KIF17: variants seen among roughly 807,000 people sequenced by gnomAD.
KIF17 encodes kinesin family member 17.
KIF17 carries 80 observed loss-of-function variants against 96.8 expected under a neutral mutation model. The observed-to-expected ratio is 0.83, with a 90% confidence interval of 0.69 to 1.00. The LOEUF (loss-of-function observed/expected upper bound fraction) is 1.00. KIF17 is among the 50% of genes least tolerant of loss of function. KIF17 has a pLI of 0.00. For synonymous variants in KIF17, 567 were observed against 587.5 expected (o/e 0.97, Z 0.51); for missense variants, 1,280 against 1,372.9 (o/e 0.93, Z 1.07).
chr1:20,687,731 G>A lies in KIF17; in HGVS notation c.1595C>T (p.Ser532Phe). ...CTCACTGGAGCCCAGAGAAATCTCA[G>A]ATTTGGAGGGTTCCACCTTGGGCAG... ...AELPKVEPSK[S>F]EISLGSSESS... Residue 532 changes from serine (S) to phenylalanine (F), a missense_variant, in exon 8 of 15, where the codon TCT (serine) becomes TTT (phenylalanine). By Grantham distance (155) the Ser-to-Phe change is radical. Transcript: ENST00000400463. This position sits in a 1 kb window ranked among gnomAD's most constrained non-coding sequence, Gnocchi z 4.4. 2.5e-6 allele frequency: 4 copies of A among 1,614,206 alleles called. No individual in the cohort carries two copies. The highest frequency in any genetic ancestry group is 2.5e-6 in the Non-Finnish European group (3 of 1,180,028).
chr1:20,683,612 A>G (rs763664912), intron 10 of KIF17, among the ~76,000 whole-genome samples: 12 of 152,106 alleles, frequency 7.9e-5, no homozygotes, highest in South Asian at 2.1e-4. Context: ...CCGAGATCGC[A>G]CCACTGCACT....
At chr1:20,697,965 C>T (rs1333266975) in intron 6 of KIF17, among the ~76,000 whole-genome samples, 1 of 152,218 alleles carries the variant, frequency 6.6e-6, no homozygotes, top group Non-Finnish European at 1.5e-5. Flanking sequence ...TTGTCGTCGG[C>T]TGCTGGGGGA....
At position 20,709,712 on chromosome 1, in the gene KIF17, G is replaced by A; in HGVS notation, c.597C>T (p.Gly199=). Residue 199 remains glycine, a synonymous_variant, in exon 4 of 15, where the codon GGC becomes GGT. Transcript: ENST00000400463. The surrounding 1 kb of genome is among the most constrained non-coding windows in gnomAD (Gnocchi z 4.7). Reference sequence around the variant, plus strand: ...AGGAATCCTTGTTCATCAGCGTGTAGCCGACCGAACGGTTCTTCCAGCCAG... The same window carrying A: ...AGGAATCCTTGTTCATCAGCGTGTAACCGACCGAACGGTTCTTCCAGCCAG... ...METGWKNRSV[G]YTLMNKDSSR... The A allele has an allele frequency of 6.2e-7, 1 of 1,614,110 alleles. No individual in the cohort carries two copies. The highest frequency in any genetic ancestry group is 8.5e-7 in the Non-Finnish European group (1 of 1,180,030).
Position 20,713,538 on chromosome 1 carries a change from C to CT in KIF17, c.395dup (p.Phe133ValfsTer13). 6.2e-7 allele frequency: 1 copy of CT among 1,612,976 alleles called. No individual in the cohort carries two copies. The highest frequency in any genetic ancestry group is 8.5e-7 in the Non-Finnish European group (1 of 1,179,682). ...CCAGGTAGGAGGCCCGGACCAGGAACTTAGTGTTCTCTGCACACTGCAGGG... is the reference window on the plus strand; with the variant it reads ...CCAGGTAGGAGGCCCGGACCAGGAACTTTAGTGTTCTCTGCACACTGCAGGG... On this transcript the variant is annotated frameshift_variant, in exon 3 of 15. Transcript: ENST00000400463. LOFTEE classifies it high-confidence loss of function.
chr1:20,665,269 C>T lies in KIF17; in HGVS notation c.2909-507G>A, dbSNP rs534403770. Among the ~76,000 whole-genome samples, 114 of 141,096 alleles carry T rather than the reference C, an allele frequency of 8.1e-4. 1 individual carries two copies. The highest frequency in any genetic ancestry group is 1.5e-3 in the Non-Finnish European group (96 of 65,888). The allele number at this position is 141,096 out of a possible 152,430, so 92.6% of individuals were successfully genotyped here. On this transcript the variant is annotated intron_variant, in intron 14 of 14. Transcript: ENST00000400463. Reference sequence around the variant, plus strand: ...TTTAGAAAAAGTCTTACTCTGTCACCCAGGCTGGAGTGCAGTGGCACTGTG... The same window carrying T: ...TTTAGAAAAAGTCTTACTCTGTCACTCAGGCTGGAGTGCAGTGGCACTGTG...
downstream of KIF17, among the ~76,000 whole-genome samples, chr1:20,662,555 C>T (rs2053454920): frequency 1.3e-5 from 2 of 152,324 alleles, no homozygotes; most frequent in South Asian, 4.1e-4. Flanking sequence ...CTGGCTCCTG[C>T]ACCCTAACTC....
At position 20,706,916 on chromosome 1, in the gene KIF17, AAAAC is replaced by A. The variant is rs1422250663; in HGVS notation, c.671-2021_671-2018del. Among the ~76,000 whole-genome samples, 11 of 151,788 alleles carry A rather than the reference AAAAC, an allele frequency of 7.2e-5. No homozygotes were observed. The East Asian group carries it at 1.6e-3, about 21-fold the overall frequency. ...AAAAAAAAAGAAAGAAAAGTAAAAG[AAAAC>A]AAACAAACAAAAACACCACCAAAAA... is the stretch of plus-strand genomic sequence containing the variant. On this transcript the variant is annotated intron_variant, in intron 4 of 14. Transcript: ENST00000400463.
chr1:20,689,247 A>G (rs868331044), intron 7 of KIF17, among the ~76,000 whole-genome samples: 18 of 152,282 alleles, frequency 1.2e-4, no homozygotes, highest in Middle Eastern at 3.4e-3. Context: ...TCATCATTCC[A>G]GGCCTGGATT....
intron 6 of KIF17, among the ~76,000 whole-genome samples, chr1:20,696,660 C>T (rs1027070795): frequency 2.5e-4 from 38 of 152,102 alleles, no homozygotes; most frequent in African/African-American, 8.7e-4. Context: ...CCGGGCTTCC[C>T]GGGAAGGAAG....
chr1:20,690,352 G>GGGCCCCCA lies in KIF17; in HGVS notation c.1234-18_1234-17insTGGGGGCC. On this transcript the variant is annotated splice_polypyrimidine_tract_variant and intron_variant, in intron 6 of 14. Transcript: ENST00000400463. ...TTCATACTCCTGGGGGGGTGGGAGG[G>GGGCCCCCA]ACCAGAGGGCAGGCAGCATTTTATC... 4 of 451,136 alleles carry GGGCCCCCA rather than the reference G, an allele frequency of 8.9e-6. No individual in the cohort carries two copies. Among genetic ancestry groups the GGGCCCCCA allele is most frequent in the Non-Finnish European group, 1.3e-5 (3 of 235,122 alleles). The allele number at this position is 451,136 out of a possible 1,614,324, so 27.9% of individuals were successfully genotyped here.
chr1:20,680,594 ACT>A (rs1214648415), intron 11 of KIF17, among the ~76,000 whole-genome samples: 1 of 152,088 alleles, frequency 6.6e-6, no homozygotes, highest in Non-Finnish European at 1.5e-5. Context: ...ATAAAAAATA[ACT>A]CCAATTAGAA....
rs2053522797 is a variant in KIF17 at position 20,666,131 on chromosome 1, C to T, written c.2908+83G>A. On this transcript the variant is annotated intron_variant, in intron 14 of 14. Transcript: ENST00000400463. ...CGAGAGGGAAAGGAGTTTTTGAACC[C>T]AGGCCTGTCTGACTTCAAAACTATC... The T allele has an allele frequency of 7.4e-6, 8 of 1,076,390 alleles. No individual in the cohort carries two copies. In the South Asian group the frequency reaches 9.9e-5, roughly 13 times the overall value. 66.7% of individuals were successfully genotyped at this position (1,076,390 alleles called of 1,614,324 possible).
At chr1:20,663,415 G>A (rs1332051932), downstream of KIF17, among the ~76,000 whole-genome samples, 1 of 152,128 alleles carries the variant, frequency 6.6e-6, no homozygotes, top group Non-Finnish European at 1.5e-5. Flanking sequence ...TACAAAATAG[G>A]GAGGAGGAGG....
chr1:20,702,377 G>A (rs1212802998), intron 5 of KIF17, among the ~76,000 whole-genome samples: 27 of 152,224 alleles, frequency 1.8e-4, no homozygotes, highest in Admixed American at 1.8e-3. Flanking sequence ...TGGAAGGACT[G>A]CACAGGTGTT....
intron 14 of KIF17, among the ~76,000 whole-genome samples, chr1:20,665,220 T>TC (rs2053505369): frequency 1.0e-4 from 1 of 9,924 alleles, no homozygotes; most frequent in Non-Finnish European, 2.9e-4. Context: ...AAATTTGCTC[T>TC]TTTTTTTTTT....
rs758379251 is a variant in KIF17, at chr1:20,686,058, G to T, written c.2007C>A (p.Phe669Leu). The change falls in exon 9 of 15, where the codon TTC becomes TTA. Residue 669 changes from phenylalanine (F) to leucine (L), a missense_variant. Phe to Leu is a conservative substitution (Grantham distance 22). Transcript: ENST00000400463. The part of the protein sequence containing the change: ...ARPEAEAADD[F>L]PPRPEVDLAS... ...GGGAGGTACTCACAGGCCTGGGCGG[G>T]AAGTCATCAGCCGCCTCGGCTTCGG... 3.2e-6 allele frequency: 5 copies of T among 1,557,356 alleles called. No individual in the cohort carries two copies. Among genetic ancestry groups the T allele is most frequent in the African/African-American group, 1.4e-5 (1 of 73,368 alleles).
chr1:20,684,887 C>T lies in KIF17; in HGVS notation c.2153G>A (p.Arg718Lys), dbSNP rs779989905. The change falls in exon 10 of 15, where the codon AGG becomes AAG. Residue 718 changes from arginine (R) to lysine (K), a missense_variant. By Grantham distance (26) the Arg-to-Lys change is conservative. Coordinates refer to ENST00000400463, the MANE Select transcript of KIF17 (RefSeq NM_001122819.3). ...EPLPATAGVK[R>K]ESVGMEVAVL... The stretch of plus-strand genomic sequence containing the variant: ...TGCCACCTCCATGCCCACGCTCTCC[C>T]TCTTCACACCAGCTGTGGCCGGCAG... The T allele has an allele frequency of 3.1e-5, 49 of 1,598,052 alleles. 1 individual carries two copies. In the Middle Eastern group the frequency reaches 5.0e-4, roughly 16 times the overall value.
chr1:20,702,413 C>G (rs2054253904), intron 5 of KIF17, among the ~76,000 whole-genome samples: 2 of 152,182 alleles, frequency 1.3e-5, no homozygotes, highest in South Asian at 4.1e-4. Context: ...GGGCCGCGGG[C>G]CGAGCCTCCC....
rs534431826 is a variant in KIF17 at position 20,690,168 on chromosome 1, G to A, written c.1381+20C>T. The A allele has an allele frequency of 1.5e-5, 25 of 1,613,802 alleles. No individual in the cohort carries two copies. The East Asian group carries it at 2.7e-4, about 17-fold the overall frequency. On this transcript the variant is annotated intron_variant, in intron 7 of 14. Coordinates refer to ENST00000400463, the MANE Select transcript of KIF17 (RefSeq NM_001122819.3). ...GGCCACCTTCCCTGGAGACAGCCTC[G>A]GGGGGCAAGGGGTGCCCACCTGTCT...
Sources: gnomAD v4.1 joint callset for allele counts (sites outside exome capture counted in the v4.1 genomes callset) on GRCh38, gnomAD v4.1.1 for gene constraint, Gnocchi (gnomAD v3.1) non-coding constraint, MANE v1.5 for transcripts, NCBI Gene and HGNC (gene_info 2026-07-23, HGNC 2026-07-21) for gene names.